ANXA6: variants seen among roughly 807,000 people sequenced by gnomAD.
The protein encoded by ANXA6 is 67 kDa calelectrin.
In ANXA6, 71 loss-of-function variants were observed where a neutral mutation model predicts 95.4. The ratio of observed to expected loss-of-function variants is 0.74; its 90% confidence interval spans 0.61 to 0.91. ANXA6 has a LOEUF of 0.91. Among genes scored for constraint, ANXA6 ranks in the 40% least tolerant of loss-of-function variants. The probability of loss-of-function intolerance (pLI) is 0.00; values close to 1 mark genes in which losing one functional copy is unlikely to be tolerated. For missense variants in ANXA6, 830 were observed against 876.4 expected, an observed-to-expected ratio of 0.95 and a Z score of 0.67; for synonymous variants, 289 against 315.9, an observed-to-expected ratio of 0.91 and a Z score of 0.90.
intron 21 of ANXA6, 75 bp downstream of exon 21, chr5:151,110,552 C>G: frequency 6.6e-7 from 1 of 1,525,520 alleles, no homozygotes; most frequent in Non-Finnish European, 9.0e-7. Context: ...CTGCTCGATA[C>G]TGCCCCGCTC....
At chr5:151,143,818 C>T (rs558315013) in intron 2 of ANXA6, among the ~76,000 whole-genome samples, 4 of 152,092 alleles carry the variant, frequency 2.6e-5, no homozygotes, top group African/African-American at 4.8e-5. Flanking sequence ...CCAAGCAGAT[C>T]AGAGAAGGCT....
At chr5:151,134,600 G>T in intron 7 of ANXA6, 117 bp from the exon 8 acceptor site, 1 of 1,000,874 alleles carries the variant, frequency 1.0e-6, no homozygotes. Flanking sequence ...GATGTGTCCA[G>T]AAGCAGTGAC....
chr5:151,137,570 G>A (rs964458144), intron 5 of ANXA6, among the ~76,000 whole-genome samples: 11 of 152,188 alleles, frequency 7.2e-5, no homozygotes, highest in Non-Finnish European at 1.6e-4. Context: ...CCTGGTGGGA[G>A]GTGGTTGGAT....
At chr5:151,102,941 C>G (rs562621241) in intron 25 of ANXA6, among the ~76,000 whole-genome samples, 36 of 152,214 alleles carry the variant, frequency 2.4e-4, no homozygotes, top group South Asian at 1.7e-3. Flanking sequence ...TTACTAAAAA[C>G]TGTTGAATTG....
At chr5:151,104,329 AGGCACAG>A in intron 24 of ANXA6, among the ~76,000 whole-genome samples, 1 of 152,258 alleles carries the variant, frequency 6.6e-6, no homozygotes, top group East Asian at 1.9e-4. Context: ...CCCAAGGAGC[AGGCACAG>A]GGCATGGAAT....
In ANXA6 at chr5:151,144,630, C is replaced by A. The variant is rs186454822; in HGVS notation, c.18+3254G>T. ...CCTCCCCCTCCACTGTTCTCCCCCTCATACAATGTGGGTGGTCACAGCAGT... is the reference window on the plus strand; with the variant it reads ...CCTCCCCCTCCACTGTTCTCCCCCTAATACAATGTGGGTGGTCACAGCAGT... On this transcript the variant is annotated intron_variant, in intron 2 of 25. Coordinates refer to ENST00000354546, the MANE Select transcript of ANXA6 (RefSeq NM_001155.5). Among the ~76,000 whole-genome samples the A allele has an allele frequency of 2.6e-5, 4 of 152,270 alleles. No individual in the cohort carries two copies. In the East Asian group the frequency reaches 5.8e-4, roughly 22 times the overall value.
chr5:151,140,237 T>C lies in ANXA6; in HGVS notation c.25A>G (p.Lys9Glu). ...AAGTCATGGATGGAGCCCCGGTACT[T>C]GGCACCCTGTGGAGAAAAAAGTAGA... MAKPAQGA[K>E]YRGSIHDFPG... The change falls in exon 3 of 26, where the codon AAG becomes GAG. Residue 9 changes from lysine (K) to glutamate (E), a missense_variant. Coordinates refer to ENST00000354546, the MANE Select transcript of ANXA6 (RefSeq NM_001155.5). The C allele has an allele frequency of 6.2e-7, 1 of 1,613,816 alleles. No individual in the cohort carries two copies. The highest frequency in any genetic ancestry group is 2.2e-5 in the East Asian group (1 of 44,870).
intron 2 of ANXA6, among the ~76,000 whole-genome samples, chr5:151,142,847 A>T (rs1189353099): frequency 6.6e-6 from 1 of 152,188 alleles, no homozygotes; most frequent in African/African-American, 2.4e-5. Flanking sequence ...GTGTGGAAAT[A>T]TTAAGCTTTG....
chr5:151,140,337 G>A (rs1236109441), intron 2 of ANXA6, 94 bp from the exon 3 acceptor site: 7 of 1,055,398 alleles, frequency 6.6e-6, no homozygotes, highest in Non-Finnish European at 1.0e-5. Context: ...CCTGGTCCAG[G>A]CTGAGCTGCT....
rs1448625919 is a variant in ANXA6 at position 151,117,248 on chromosome 5, AC to A, written c.1519-69del. On this transcript the variant is annotated intron_variant, in intron 19 of 25. Coordinates refer to ENST00000354546, the MANE Select transcript of ANXA6 (RefSeq NM_001155.5). ...CCCATCTCCATCTCTGTACCACCAC[AC>A]ACCCTGCTCATTTTCACCTCTCTGA... 13 of 1,442,504 alleles carry A rather than the reference AC, an allele frequency of 9.0e-6. No homozygotes were observed. The Middle Eastern group carries it at 1.1e-3, about 121-fold the overall frequency. 89.4% of individuals were successfully genotyped at this position (1,442,504 alleles called of 1,614,324 possible). A position where few individuals can be genotyped will look rare whatever the true frequency, so the allele number is the denominator to read the frequency against.
intron 10 of ANXA6, 119 bp downstream of exon 10, chr5:151,132,357 T>G: frequency 1.3e-6 from 1 of 789,622 alleles, no homozygotes; most frequent in Non-Finnish European, 2.0e-6. Context: ...ACGGCCCACA[T>G]GGTTTTCTCC....
At chr5:151,148,043 C>T (rs961688088) in intron 1 of ANXA6, 117 bp from the exon 2 acceptor site, 3 of 989,444 alleles carry the variant, frequency 3.0e-6, no homozygotes, top group Non-Finnish European at 4.7e-6. Context: ...CAGGTTAAAT[C>T]AGACCCAATG....
chr5:151,146,087 GA>G (rs1765969477), intron 2 of ANXA6, among the ~76,000 whole-genome samples: 1 of 152,166 alleles, frequency 6.6e-6, no homozygotes, highest in South Asian at 2.1e-4. Flanking sequence ...TCACTTGCAG[GA>G]GGTCTACTGA....
intron 14 of ANXA6, among the ~76,000 whole-genome samples, chr5:151,125,229 T>C (rs1765283405): frequency 6.6e-6 from 1 of 150,710 alleles, no homozygotes; most frequent in South Asian, 2.1e-4. Context: ...CCACCTGAGG[T>C]CCCAGCTACT....
At chr5:151,144,333 C>G (rs1224114315) in intron 2 of ANXA6, among the ~76,000 whole-genome samples, 1 of 152,130 alleles carries the variant, frequency 6.6e-6, no homozygotes, top group Non-Finnish European at 1.5e-5. Context: ...TCATATGGTT[C>G]ATGTGACAGG....
chr5:151,145,593 G>A (rs967480933), intron 2 of ANXA6, among the ~76,000 whole-genome samples: 4 of 152,180 alleles, frequency 2.6e-5, no homozygotes, highest in African/African-American at 9.7e-5. Context: ...AGAAGACGGA[G>A]CAGTTTGCTG....
intron 3 of ANXA6, 30 bp downstream of exon 3, chr5:151,140,123 C>G (rs1237435286): frequency 6.2e-7 from 1 of 1,607,248 alleles, no homozygotes; most frequent in Non-Finnish European, 8.5e-7. Context: ...GGGGGATACC[C>G]CTCAAGCTCC....
chr5:151,117,652 T>C, intron 19 of ANXA6, 106 bp downstream of exon 19: 2 of 937,992 alleles, frequency 2.1e-6, no homozygotes. Flanking sequence ...CCCCTCTCCA[T>C]CAGGAGTGCA....
At position 151,146,165 on chromosome 5, in the gene ANXA6, A is replaced by C. The variant is rs1403675859; in HGVS notation, c.18+1719T>G. On this transcript the variant is annotated intron_variant, in intron 2 of 25. Coordinates refer to ENST00000354546, the MANE Select transcript of ANXA6 (RefSeq NM_001155.5). ...AGAAGGCATGGCCCAGGAGCACTGG[A>C]CCAAGGTCCAAAGATCTGCACCCTA... is the stretch of plus-strand genomic sequence containing the variant. 4.6e-5 allele frequency among the ~76,000 whole-genome samples: 7 copies of C among 152,190 alleles called. No individual in the cohort carries two copies. In the East Asian group the frequency reaches 9.6e-4, roughly 21 times the overall value.
Sources: gnomAD v4.1 joint callset for allele counts (sites outside exome capture counted in the v4.1 genomes callset) on GRCh38, gnomAD v4.1.1 for gene constraint, MANE v1.5 for transcripts, NCBI Gene and HGNC (gene_info 2026-07-23, HGNC 2026-07-21) for gene names.